The following HSD17B2 variants were observed in gnomAD, a reference collection of about 807,000 sequenced individuals.
The protein encoded by HSD17B2 is hydroxysteroid 17-beta dehydrogenase 2.
HSD17B2 carries 32 observed loss-of-function variants against 26.9 expected under a neutral mutation model. The observed-to-expected ratio is 1.19, with a 90% CI of 0.90 to 1.60. The LOEUF (loss-of-function observed/expected upper bound fraction) is 1.60, where lower values mean the gene tolerates loss of function less well. HSD17B2 is among the 40% of genes most tolerant of loss of function. The pLI, the probability that HSD17B2 is intolerant of heterozygous loss-of-function variation, is 0.00. For missense variants in HSD17B2, 613 were observed against 468.6 expected (o/e 1.31, Z -2.85); for synonymous variants, 246 against 186.7 (o/e 1.32, Z -2.59).
intron 3 of HSD17B2, among the ~76,000 whole-genome samples, chr16:82,073,482 C>G (rs8191187): frequency 6.6e-6 from 1 of 152,170 alleles, no homozygotes; most frequent in Non-Finnish European, 1.5e-5. Flanking sequence ...CCTCAGCCCC[C>G]CAAAGTTCTG....
chr16:82,070,218 C>T (rs1377160651), intron 2 of HSD17B2, among the ~76,000 whole-genome samples: 1 of 152,130 alleles, frequency 6.6e-6, no homozygotes. Context: ...ACCACCTAAC[C>T]AGTCATTCAA....
In HSD17B2 at chr16:82,070,950, G is replaced by T; in HGVS notation, c.487G>T (p.Ala163Ser). The change falls in exon 3 of 5, where the codon GCT (alanine) becomes TCT (serine). Residue 163 changes from alanine (A) to serine (S), a missense_variant. Physicochemically the swap from Ala to Ser is moderately conservative, Grantham distance 99. Transcript: ENST00000199936. Reference sequence around the variant, plus strand: ...TGGTTTTCTGTCTCCAGGACTGTGGGCTGTGATCAACAATGCTGGGGTGCT... The same window carrying T: ...TGGTTTTCTGTCTCCAGGACTGTGGTCTGTGATCAACAATGCTGGGGTGCT... Reference protein sequence around the residue: ...AAMLQDRGLWAVINNAGVLGF... With the variant: ...AAMLQDRGLWSVINNAGVLGF... 2 of 1,613,378 alleles carry T rather than the reference G, an allele frequency of 1.2e-6. No individual in the cohort carries two copies. The highest frequency in any genetic ancestry group is 1.7e-6 in the Non-Finnish European group (2 of 1,179,408).
chr16:82,078,749 T>A (rs188843273), intron 3 of HSD17B2, among the ~76,000 whole-genome samples: 2 of 152,354 alleles, frequency 1.3e-5, no homozygotes, highest in African/African-American at 4.8e-5. Context: ...GTCATTATGT[T>A]AAGTGAAATA....
At chr16:82,086,488 C>T (rs931735864) in intron 3 of HSD17B2, among the ~76,000 whole-genome samples, 1 of 152,148 alleles carries the variant, frequency 6.6e-6, no homozygotes, top group Non-Finnish European at 1.5e-5. Flanking sequence ...AAAATGACCA[C>T]CAGAATAATC....
At chr16:82,049,270 G>T (rs192221917) in intron 1 of HSD17B2, among the ~76,000 whole-genome samples, 229 of 152,292 alleles carry the variant, frequency 1.5e-3, no homozygotes, top group Non-Finnish European at 2.4e-3. Context: ...ATTGAGTGTT[G>T]AGGCCAGGAT....
At chr16:82,070,331 G>A (rs1007829905) in intron 2 of HSD17B2, among the ~76,000 whole-genome samples, 17 of 152,038 alleles carry the variant, frequency 1.1e-4, no homozygotes, top group African/African-American at 3.4e-4. Flanking sequence ...TTACCCTCCA[G>A]CCCCTTCCTA....
At chr16:82,098,002 C>T (rs1366412699) in intron 4 of HSD17B2, 73 bp from the exon 5 acceptor site, 1 of 1,485,492 alleles carries the variant, frequency 6.7e-7, no homozygotes, top group Non-Finnish European at 9.1e-7. Context: ...TCCTTCCCAA[C>T]AGAGACAAGC....
chr16:82,075,710 C>T (rs188203573), intron 3 of HSD17B2, among the ~76,000 whole-genome samples: 69 of 152,050 alleles, frequency 4.5e-4, no homozygotes, highest in African/African-American at 1.6e-3. Flanking sequence ...GTAACGAGTT[C>T]GAAGCAGTAG....
chr16:82,067,517 T>A (rs910114085), intron 1 of HSD17B2, among the ~76,000 whole-genome samples: 1 of 152,228 alleles, frequency 6.6e-6, no homozygotes, highest in Non-Finnish European at 1.5e-5. Context: ...ATTACATTAG[T>A]CTCTGTTTTC....
intron 4 of HSD17B2, chr16:82,095,302 G>A (rs1414839922): frequency 6.6e-6 from 1 of 152,206 alleles, no homozygotes; most frequent in Admixed American, 6.5e-5. Context: ...GTGCCTTCCT[G>A]AAAAGAAAGG....
At chr16:82,055,387 A>G (rs1340711808) in intron 1 of HSD17B2, among the ~76,000 whole-genome samples, 1 of 152,146 alleles carries the variant, frequency 6.6e-6, no homozygotes, top group African/African-American at 2.4e-5. Context: ...AATGTCTCCC[A>G]TGACCTCCTA....
At chr16:82,097,888 A>G in intron 4 of HSD17B2, 187 bp from the exon 5 acceptor site, 1 of 449,384 alleles carries the variant, frequency 2.2e-6, no homozygotes, top group East Asian at 3.7e-5. Flanking sequence ...CAGTGAGCTG[A>G]GATCACACCA....
intron 1 of HSD17B2, among the ~76,000 whole-genome samples, chr16:82,049,132 C>G (rs147386835): frequency 3.4e-3 from 517 of 152,310 alleles, no homozygotes; most frequent in Admixed American, 7.1e-3. Flanking sequence ...TTAATATACT[C>G]TTCCCTCTCA....
At chr16:82,058,161 C>G (rs1325031031) in intron 1 of HSD17B2, among the ~76,000 whole-genome samples, 1 of 151,698 alleles carries the variant, frequency 6.6e-6, no homozygotes, top group Non-Finnish European at 1.5e-5. Flanking sequence ...GCCTCAACCT[C>G]CTGGGCTCAG....
chr16:82,090,850 G>A, intron 3 of HSD17B2, 52 bp from the exon 4 acceptor site: 1 of 1,508,356 alleles, frequency 6.6e-7, no homozygotes, highest in Non-Finnish European at 9.0e-7. Flanking sequence ...TTTATTGGAT[G>A]AACAAATGAA....
intron 1 of HSD17B2, among the ~76,000 whole-genome samples, chr16:82,039,943 G>A (rs1475241390): frequency 2.6e-5 from 4 of 152,078 alleles, no homozygotes; most frequent in Non-Finnish European, 5.9e-5. Context: ...TGGAGCTGGG[G>A]AAAGCTTGAC....
chr16:82,054,612 T>A (rs1914210719), intron 1 of HSD17B2, among the ~76,000 whole-genome samples: 2 of 152,218 alleles, frequency 1.3e-5, no homozygotes, highest in Admixed American at 6.5e-5. Flanking sequence ...CCCAAAGTGC[T>A]GGGATTCCAG....
At chr16:82,074,096 G>A (rs1469532305) in intron 3 of HSD17B2, among the ~76,000 whole-genome samples, 1 of 152,116 alleles carries the variant, frequency 6.6e-6, no homozygotes, top group African/African-American at 2.4e-5. Context: ...AACAAGCAAT[G>A]GGGGTAAGGA....
chr16:82,065,555 G>T (rs1015294425), intron 1 of HSD17B2, among the ~76,000 whole-genome samples: 1 of 152,080 alleles, frequency 6.6e-6, no homozygotes, highest in African/African-American at 2.4e-5. Context: ...AAATGGGAAA[G>T]GCTGTCCACG....
Sources: gnomAD v4.1 joint callset for allele counts (sites outside exome capture counted in the v4.1 genomes callset) on GRCh38, gnomAD v4.1.1 for gene constraint, MANE v1.5 for transcripts, NCBI Gene and HGNC (gene_info 2026-07-23, HGNC 2026-07-21) for gene names.